Variants in PIGK observed in about 807,000 individuals in gnomAD.
PIGK encodes GPI-anchor transamidase.
A neutral mutation model predicts 50.6 loss-of-function variants in PIGK; 42 were observed. The observed-to-expected ratio is 0.83, with a 90% CI of 0.65 to 1.07. The LOEUF (loss-of-function observed/expected upper bound fraction) is 1.07. PIGK is among the 50% of genes least tolerant of loss of function. PIGK has a pLI of 0.00. For synonymous variants in PIGK, 151 were observed against 156.0 expected (o/e 0.97, Z 0.24); for missense variants, 448 against 488.7 (o/e 0.92, Z 0.78).
intron 2 of PIGK, among the ~76,000 whole-genome samples, chr1:77,207,830 T>C (rs958303394): frequency 5.9e-5 from 9 of 152,190 alleles, no homozygotes; most frequent in Admixed American, 3.9e-4. Context: ...AGGAACTACA[T>C]GGTTTTTTTT....
chr1:77,162,252 A>G (rs1655145740), intron 6 of PIGK, among the ~76,000 whole-genome samples: 1 of 152,196 alleles, frequency 6.6e-6, no homozygotes, highest in African/African-American at 2.4e-5. Context: ...TTGAATGAAC[A>G]CTGAGAAAGG....
chr1:77,091,323 G>GA lies in PIGK; in HGVS notation c.*1050dup, dbSNP rs1653291804. The GA allele has an allele frequency of 1.3e-5, 2 of 152,166 alleles. No individual in the cohort carries two copies. The highest frequency in any genetic ancestry group is 2.9e-5 in the Non-Finnish European group (2 of 68,026). The allele number at this position is 152,166 out of a possible 1,614,324, so 9.4% of individuals were successfully genotyped here. A position where few individuals can be genotyped will look rare whatever the true frequency, so the allele number is the denominator to read the frequency against. ...AGCTCTTGCATCTTACCAGAGACTAGAAAAGGGGCTTACTGCCTTATAGGA... is the reference window on the plus strand; with the variant it reads ...AGCTCTTGCATCTTACCAGAGACTAGAAAAAGGGGCTTACTGCCTTATAGGA... On this transcript the variant is annotated 3_prime_UTR_variant, in exon 11 of 11. Coordinates refer to ENST00000370812, the MANE Select transcript of PIGK (RefSeq NM_005482.3).
At chr1:77,106,815 C>T (rs1378369793) in intron 10 of PIGK, among the ~76,000 whole-genome samples, 1 of 151,928 alleles carries the variant, frequency 6.6e-6, no homozygotes, top group Non-Finnish European at 1.5e-5. Context: ...ACATCTCTCT[C>T]TAGCAATGTT....
intron 10 of PIGK, among the ~76,000 whole-genome samples, chr1:77,092,877 A>G (rs1194195963): frequency 6.6e-6 from 1 of 152,074 alleles, no homozygotes; most frequent in Non-Finnish European, 1.5e-5. Flanking sequence ...CGGTCATCTT[A>G]TTATATTCCC....
At chr1:77,162,787 C>T (rs1309192357) in intron 6 of PIGK, among the ~76,000 whole-genome samples, 1 of 152,106 alleles carries the variant, frequency 6.6e-6, no homozygotes, top group African/African-American at 2.4e-5. Context: ...TAATATGACA[C>T]ATTTGTTCTG....
intron 9 of PIGK, among the ~76,000 whole-genome samples, chr1:77,138,584 G>A (rs1403627065): frequency 1.3e-5 from 2 of 152,170 alleles, no homozygotes; most frequent in African/African-American, 2.4e-5. Flanking sequence ...CAACCTGTAC[G>A]CACACTTCCA....
Position 77,161,616 on chromosome 1 carries a change from T to C in PIGK, c.680A>G (p.Gln227Arg), listed in dbSNP as rs1469011345. 1 of 1,519,314 alleles carries C rather than the reference T, an allele frequency of 6.6e-7. No homozygotes were observed. 94.1% of individuals were successfully genotyped at this position (1,519,314 alleles called of 1,614,324 possible). The change falls in exon 7 of 11, where the codon CAA (glutamine) becomes CGA (arginine). Residue 227 changes from glutamine (Q) to arginine (R), a missense_variant. Gln to Arg is a conservative substitution (Grantham distance 43, BLOSUM62 1). Coordinates refer to ENST00000370812, the MANE Select transcript of PIGK (RefSeq NM_005482.3). ...TACCGAGAGTGAATCTTCTCCCACT[T>C]GACTACTAGCTAGAGCCATTATGTT... is the stretch of plus-strand genomic sequence containing the variant. Reference protein sequence around the residue: ...SPNIMALASSQVGEDSLSHQP... With the variant: ...SPNIMALASSRVGEDSLSHQP...
chr1:77,129,232 A>C, intron 9 of PIGK: 1 of 1,607,098 alleles, frequency 6.2e-7, no homozygotes, highest in South Asian at 1.1e-5. Context: ...AAGGGTATGC[A>C]TATACAAAAA....
intron 9 of PIGK, among the ~76,000 whole-genome samples, chr1:77,124,880 G>A (rs839838): frequency 0.04 from 6,162 of 152,212 alleles, 329 homozygotes; most frequent in African/African-American, 0.13. Context: ...TGCAAATGAT[G>A]TATTTTTGTT....
At chr1:77,184,385 T>A (rs1655693347) in intron 3 of PIGK, among the ~76,000 whole-genome samples, 1 of 152,178 alleles carries the variant, frequency 6.6e-6, no homozygotes, top group African/African-American at 2.4e-5. Context: ...ATCCCTGGGA[T>A]GAAGGGGAGG....
chr1:77,155,888 A>G (rs1176798427), intron 8 of PIGK, among the ~76,000 whole-genome samples: 1 of 152,170 alleles, frequency 6.6e-6, no homozygotes, highest in Non-Finnish European at 1.5e-5. Flanking sequence ...GCACTGTGCT[A>G]AGCAGTTTGC....
At chr1:77,171,818 T>C (rs1655370451) in intron 3 of PIGK, among the ~76,000 whole-genome samples, 1 of 152,138 alleles carries the variant, frequency 6.6e-6, no homozygotes, top group African/African-American at 2.4e-5. Context: ...AAAAAAATAA[T>C]TCTCATTTGA....
chr1:77,201,458 A>G (rs1656163959), intron 3 of PIGK, among the ~76,000 whole-genome samples: 1 of 152,214 alleles, frequency 6.6e-6, no homozygotes, highest in African/African-American at 2.4e-5. Flanking sequence ...GTTAGAAGAC[A>G]GTTCACAAAA....
intron 9 of PIGK, among the ~76,000 whole-genome samples, chr1:77,147,013 GT>G (rs1318551670): frequency 6.6e-6 from 1 of 151,744 alleles, no homozygotes; most frequent in Non-Finnish European, 1.5e-5. Context: ...GCATTAGTCT[GT>G]TTTCACACTG....
intron 7 of PIGK, 83 bp from the exon 8 acceptor site, chr1:77,161,488 G>A: frequency 3.1e-6 from 3 of 975,782 alleles, no homozygotes; most frequent in Non-Finnish European, 5.0e-6. Flanking sequence ...TCCTTCTAAT[G>A]TATTAGTCTA....
chr1:77,211,497 A>G (rs968944363), intron 1 of PIGK, among the ~76,000 whole-genome samples: 1 of 152,048 alleles, frequency 6.6e-6, no homozygotes, highest in African/African-American at 2.4e-5. Context: ...GTAAAAATGC[A>G]TATGCCAGGA....
chr1:77,133,957 C>A (rs1168045957), intron 9 of PIGK, among the ~76,000 whole-genome samples: 3 of 152,166 alleles, frequency 2.0e-5, no homozygotes, highest in Non-Finnish European at 4.4e-5. Flanking sequence ...CCGTTAGTAA[C>A]CCTTTATCAG....
intron 10 of PIGK, among the ~76,000 whole-genome samples, chr1:77,111,137 G>C (rs1360396430): frequency 6.6e-6 from 1 of 152,146 alleles, no homozygotes; most frequent in Non-Finnish European, 1.5e-5. Flanking sequence ...GGAGAAATAG[G>C]AACACTTTTA....
At chr1:77,186,085 G>T (rs531828126) in intron 3 of PIGK, among the ~76,000 whole-genome samples, 1 of 152,292 alleles carries the variant, frequency 6.6e-6, no homozygotes, top group African/African-American at 2.4e-5. Context: ...GGCTTGACCA[G>T]GTCCTGAAGG....
Sources: allele counts gnomAD v4.1 joint callset (sites outside exome capture counted in the v4.1 genomes callset), GRCh38; gene constraint gnomAD v4.1.1; transcripts MANE v1.5; gene names NCBI Gene and HGNC (gene_info 2026-07-23, HGNC 2026-07-21).